Variants in TRIQK observed in about 807,000 individuals in gnomAD.
TRIQK encodes triple QxxK/R motif-containing protein.
A neutral mutation model predicts 10.8 loss-of-function variants in TRIQK; 10 were observed. The observed-to-expected ratio is 0.92, with a 90% CI of 0.57 to 1.57. The LOEUF (loss-of-function observed/expected upper bound fraction) is 1.57, where lower values mean the gene tolerates loss of function less well. Ranked by LOEUF, TRIQK falls within the 40% of genes most tolerant of loss-of-function variation. The pLI is 0.00. For missense variants in TRIQK, 107 were observed against 97.7 expected (o/e 1.09, Z -0.40); for synonymous variants, 33 against 33.7 (o/e 0.98, Z 0.07).
intron 2 of TRIQK, among the ~76,000 whole-genome samples, chr8:92,925,457 T>C (rs1810400987): frequency 6.6e-6 from 1 of 152,128 alleles, no homozygotes. Flanking sequence ...TTATTACAGA[T>C]AGATAGTATT....
At chr8:92,983,302 T>G (rs2130745159) in intron 1 of TRIQK, among the ~76,000 whole-genome samples, 1 of 152,130 alleles carries the variant, frequency 6.6e-6, no homozygotes, top group South Asian at 2.1e-4. Flanking sequence ...CAAAAGATTT[T>G]GTGACTGTTC....
chr8:92,977,023 T>G (rs2130741355), intron 1 of TRIQK, among the ~76,000 whole-genome samples: 1 of 152,138 alleles, frequency 6.6e-6, no homozygotes, highest in East Asian at 1.9e-4. Context: ...TTAAAGAGAT[T>G]TTTAAAATGT....
chr8:92,950,206 T>C (rs1190472848), intron 2 of TRIQK, among the ~76,000 whole-genome samples: 1 of 152,176 alleles, frequency 6.6e-6, no homozygotes, highest in East Asian at 1.9e-4. Context: ...GTAAGTTTTT[T>C]ATATACACTA....
intron 1 of TRIQK, among the ~76,000 whole-genome samples, chr8:93,003,499 G>A (rs1813236751): frequency 6.6e-6 from 1 of 151,928 alleles, no homozygotes; most frequent in Non-Finnish European, 1.5e-5. Flanking sequence ...AATTCAACAT[G>A]AGATTTGGGT....
intron 2 of TRIQK, among the ~76,000 whole-genome samples, chr8:92,923,933 T>C (rs1186609863): frequency 6.6e-6 from 1 of 151,952 alleles, no homozygotes; most frequent in Non-Finnish European, 1.5e-5. Flanking sequence ...TCTGAAGCCT[T>C]CACATATGTC....
At chr8:92,988,000 CTTTTTTTTTTTTTTTT>C (rs549776227) in intron 1 of TRIQK, among the ~76,000 whole-genome samples, 1 of 57,580 alleles carries the variant, frequency 1.7e-5, no homozygotes, top group African/African-American at 7.3e-5. Context: ...TTTATACTTT[CTTTTTTTTTTTTTTTT>C]TTTTTTTTGA....
chr8:93,004,539 C>A (rs1785723321), intron 1 of TRIQK, among the ~76,000 whole-genome samples: 1 of 152,242 alleles, frequency 6.6e-6, no homozygotes, highest in Non-Finnish European at 1.5e-5. Context: ...AAAATTTCTG[C>A]AGCCTTGAAT....
intron 2 of TRIQK, among the ~76,000 whole-genome samples, chr8:92,938,111 T>A (rs1320024786): frequency 6.6e-6 from 1 of 152,010 alleles, no homozygotes; most frequent in Non-Finnish European, 1.5e-5. Flanking sequence ...TTTTGAAGAA[T>A]ATTTTTCTTC....
At chr8:92,983,525 T>C (rs938388419) in intron 1 of TRIQK, among the ~76,000 whole-genome samples, 10 of 152,052 alleles carry the variant, frequency 6.6e-5, no homozygotes, top group Admixed American at 4.6e-4. Context: ...ATTTATTACA[T>C]CTGGCAAGCA....
chr8:92,945,724 A>C (rs1811495347), intron 2 of TRIQK, among the ~76,000 whole-genome samples: 2 of 152,194 alleles, frequency 1.3e-5, no homozygotes, highest in Admixed American at 1.3e-4. Flanking sequence ...AGGCATGGAT[A>C]TTCATTCTAG....
chr8:92,898,239 G>A (rs1808713317), intron 3 of TRIQK, among the ~76,000 whole-genome samples: 1 of 152,116 alleles, frequency 6.6e-6, no homozygotes, highest in South Asian at 2.1e-4. Flanking sequence ...TTTTCAGTGA[G>A]TTTCCAGACT....
intron 1 of TRIQK, among the ~76,000 whole-genome samples, chr8:92,985,498 G>T (rs1813022527): frequency 6.6e-6 from 1 of 152,086 alleles, no homozygotes; most frequent in South Asian, 2.1e-4. Flanking sequence ...AAAAAATTGG[G>T]GGATAGCTTA....
chr8:92,933,577 G>A (rs969278735), intron 2 of TRIQK, among the ~76,000 whole-genome samples: 4 of 152,006 alleles, frequency 2.6e-5, no homozygotes, highest in Non-Finnish European at 4.4e-5. Context: ...CTAAACATAT[G>A]ACTGTCTGCA....
intron 1 of TRIQK, among the ~76,000 whole-genome samples, chr8:92,993,395 T>C (rs913186881): frequency 6.6e-6 from 1 of 152,184 alleles, no homozygotes; most frequent in Admixed American, 6.5e-5. Context: ...AGATGGTCAG[T>C]GAAACAAGGG....
chr8:92,924,650 T>G (rs1336697460), intron 2 of TRIQK, among the ~76,000 whole-genome samples: 1 of 151,880 alleles, frequency 6.6e-6, no homozygotes, highest in East Asian at 1.9e-4. Flanking sequence ...AAAAAAAAAG[T>G]CTTTTGAAAG....
At chr8:92,938,792 C>T (rs1238367108) in intron 2 of TRIQK, among the ~76,000 whole-genome samples, 1 of 152,100 alleles carries the variant, frequency 6.6e-6, no homozygotes, top group Non-Finnish European at 1.5e-5. Flanking sequence ...GCTGTTAATA[C>T]CATAAAGTGA....
intron 3 of TRIQK, among the ~76,000 whole-genome samples, chr8:92,910,794 A>T (rs2130416344): frequency 6.6e-6 from 1 of 151,534 alleles, no homozygotes; most frequent in African/African-American, 2.4e-5. Context: ...CCAATTTACA[A>T]ATGCTAAGCA....
intron 4 of TRIQK, among the ~76,000 whole-genome samples, chr8:92,888,769 T>TG (rs1477767159): frequency 6.6e-6 from 1 of 151,582 alleles, no homozygotes; most frequent in Non-Finnish European, 1.5e-5. Context: ...GGTTGGCACT[T>TG]GAATATTTTA....
intron 1 of TRIQK, among the ~76,000 whole-genome samples, chr8:92,976,923 T>C (rs1014963021): frequency 6.6e-6 from 1 of 152,022 alleles, no homozygotes; most frequent in African/African-American, 2.4e-5. Flanking sequence ...TTCTACAGTC[T>C]TTGTGCTATT....
Sources: gnomAD v4.1 joint callset for allele counts (sites outside exome capture counted in the v4.1 genomes callset) on GRCh38, gnomAD v4.1.1 for gene constraint, MANE v1.5 for transcripts, NCBI Gene and HGNC (gene_info 2026-07-23, HGNC 2026-07-21) for gene names.